The following GTF2A1L variants were observed in gnomAD, a reference collection of about 807,000 sequenced individuals.
GTF2A1L encodes the protein TFIIA-alpha and beta-like factor.
GTF2A1L carries 48 observed loss-of-function variants against 49.7 expected under a neutral mutation model. The ratio of observed to expected loss-of-function variants is 0.97; its 90% CI spans 0.77 to 1.23. GTF2A1L has a LOEUF of 1.23. GTF2A1L is among the 50% of genes most tolerant of loss of function. The probability of loss-of-function intolerance (pLI) is 0.00; values close to 1 mark genes in which losing one functional copy is unlikely to be tolerated. For missense variants in GTF2A1L, 736 were observed against 564.8 expected, an observed-to-expected ratio of 1.30 and a Z score of -3.07; for synonymous variants, 246 against 193.5, an observed-to-expected ratio of 1.27 and a Z score of -2.25.
At chr2:48,673,359 C>CTT (rs34493140) in intron 8 of GTF2A1L, among the ~76,000 whole-genome samples, 2,960 of 109,576 alleles carry the variant, frequency 0.027, 151 homozygotes, top group East Asian at 0.067. Flanking sequence ...ACACAGGAAA[C>CTT]TTTTTTTTTT....
In GTF2A1L at chr2:48,672,622, G is replaced by A. The variant is rs148613359; in HGVS notation, c.1329+942G>A. Among the ~76,000 whole-genome samples the A allele has an allele frequency of 4.2e-3, 635 of 152,242 alleles. 10 individuals are homozygous for A. The highest frequency in any genetic ancestry group is 0.015 in the African/African-American group (612 of 41,546). ...GGTCATTAGTTGAAGGTGTCTCTCA[G>A]GTTTCCAGCCTAGAGATTATGTTAG... On this transcript the variant is annotated intron_variant, in intron 8 of 8. Coordinates refer to ENST00000403751, the MANE Select transcript of GTF2A1L (RefSeq NM_006872.5).
At chr2:48,663,763 C>T (rs1403058955) in intron 6 of GTF2A1L, among the ~76,000 whole-genome samples, 1 of 152,074 alleles carries the variant, frequency 6.6e-6, no homozygotes, top group Non-Finnish European at 1.5e-5. Context: ...CCTCAGCCTC[C>T]TGAGTAGCTG....
At chr2:48,635,763 C>T (rs2349099) in intron 3 of GTF2A1L, among the ~76,000 whole-genome samples, 25,817 of 151,822 alleles carry the variant, frequency 0.17, 2,535 homozygotes, top group South Asian at 0.25. Context: ...AGCTGGGTTA[C>T]CTAGAATGGC....
chr2:48,632,981 A>T (rs1676667727), intron 3 of GTF2A1L: 1 of 210,050 alleles, frequency 4.8e-6, no homozygotes, highest in African/African-American at 2.4e-5. Flanking sequence ...TGTTGAAATT[A>T]GTAAGATGTG....
At chr2:48,635,692 C>T (rs887164878) in intron 3 of GTF2A1L, among the ~76,000 whole-genome samples, 1 of 151,958 alleles carries the variant, frequency 6.6e-6, no homozygotes, top group Admixed American at 6.6e-5. Flanking sequence ...AGGCTACTAC[C>T]CTGCTCCAGA....
At chr2:48,636,939 T>C (rs1245760506) in intron 3 of GTF2A1L, among the ~76,000 whole-genome samples, 1 of 152,158 alleles carries the variant, frequency 6.6e-6, no homozygotes, top group Non-Finnish European at 1.5e-5. Flanking sequence ...TCAGTCATGA[T>C]GGAAGGAAGG....
At chr2:48,636,007 C>A (rs181425930) in intron 3 of GTF2A1L, among the ~76,000 whole-genome samples, 2 of 152,282 alleles carry the variant, frequency 1.3e-5, no homozygotes, top group African/African-American at 4.8e-5. Flanking sequence ...TGTACTGGGG[C>A]TTCACTTACT....
At chr2:48,678,913 T>TG (rs1217572637) in intron 8 of GTF2A1L, among the ~76,000 whole-genome samples, 1 of 152,042 alleles carries the variant, frequency 6.6e-6, no homozygotes, top group Non-Finnish European at 1.5e-5. Context: ...CCTGAGTAAA[T>TG]ATCTGCCTTG....
intron 6 of GTF2A1L, among the ~76,000 whole-genome samples, chr2:48,665,533 A>G (rs1572766311): frequency 6.6e-6 from 1 of 152,130 alleles, no homozygotes. Context: ...TTTGCATTCA[A>G]TTAAAATTAT....
intron 6 of GTF2A1L, among the ~76,000 whole-genome samples, chr2:48,653,372 A>G (rs1677979118): frequency 6.6e-6 from 1 of 152,124 alleles, no homozygotes; most frequent in South Asian, 2.1e-4. Context: ...GATAGAGAAC[A>G]TTTTCATTAC....
chr2:48,638,270 A>G (rs1214231842), intron 3 of GTF2A1L, among the ~76,000 whole-genome samples: 1 of 152,148 alleles, frequency 6.6e-6, no homozygotes, highest in South Asian at 2.1e-4. Context: ...TGGGAGAGAC[A>G]CAACAAAGAA....
intron 3 of GTF2A1L, among the ~76,000 whole-genome samples, chr2:48,634,828 T>C (rs528193674): frequency 1.3e-5 from 2 of 152,246 alleles, no homozygotes; most frequent in South Asian, 4.1e-4. Flanking sequence ...GCCTCTAAGA[T>C]TTTTTCTTTA....
chr2:48,636,624 T>C (rs1437356822), intron 3 of GTF2A1L, among the ~76,000 whole-genome samples: 3 of 152,232 alleles, frequency 2.0e-5, no homozygotes, highest in African/African-American at 7.2e-5. Context: ...CTTGGTATCA[T>C]GAAAATAGTT....
At chr2:48,629,562 C>T (rs375370603) in intron 3 of GTF2A1L, among the ~76,000 whole-genome samples, 1 of 143,216 alleles carries the variant, frequency 7.0e-6, no homozygotes, top group African/African-American at 2.5e-5. Flanking sequence ...AAGATTAGCC[C>T]CTAGAACTTC....
At chr2:48,622,928 T>A (rs1047344871) in intron 3 of GTF2A1L, among the ~76,000 whole-genome samples, 7 of 27,382 alleles carry the variant, frequency 2.6e-4, no homozygotes, top group African/African-American at 1.1e-3. Flanking sequence ...ATATTACCAG[T>A]GATTTAAATA....
intron 6 of GTF2A1L, among the ~76,000 whole-genome samples, chr2:48,650,081 C>G (rs1318254795): frequency 1.3e-5 from 2 of 152,162 alleles, no homozygotes; most frequent in Non-Finnish European, 2.9e-5. Flanking sequence ...GGATGTAGCT[C>G]TTCTGTTTTG....
At chr2:48,618,068 G>A (rs1675763605) in intron 1 of GTF2A1L, 173 bp downstream of exon 1, 4 of 648,584 alleles carry the variant, frequency 6.2e-6, no homozygotes, top group South Asian at 4.5e-5. Flanking sequence ...AAGCTGCTGA[G>A]GGCCAGTAGT....
At chr2:48,636,096 A>G (rs954781315) in intron 3 of GTF2A1L, among the ~76,000 whole-genome samples, 27 of 152,132 alleles carry the variant, frequency 1.8e-4, no homozygotes, top group Admixed American at 2.6e-4. Context: ...GCATGATTCC[A>G]TTAGATTCTC....
intron 6 of GTF2A1L, among the ~76,000 whole-genome samples, chr2:48,661,366 G>T (rs1678491051): frequency 7.1e-6 from 1 of 141,310 alleles, no homozygotes; most frequent in Non-Finnish European, 1.5e-5. Flanking sequence ...TGATTCTCCT[G>T]CCTCAGCCTC....
Sources: allele counts gnomAD v4.1 joint callset (sites outside exome capture counted in the v4.1 genomes callset), GRCh38; gene constraint gnomAD v4.1.1; transcripts MANE v1.5; gene names NCBI Gene and HGNC (gene_info 2026-07-23, HGNC 2026-07-21).